SEC14L1: variants seen among roughly 807,000 people sequenced by gnomAD.
SEC14L1 encodes the protein SEC14-like protein 1.
A neutral mutation model predicts 85.3 loss-of-function variants in SEC14L1; 48 were observed. The ratio of observed to expected loss-of-function variants is 0.56; its 90% CI spans 0.45 to 0.72. SEC14L1 has a LOEUF of 0.72. Ranked by LOEUF, SEC14L1 falls within the 30% of genes least tolerant of loss-of-function variation. The pLI, the probability that SEC14L1 is intolerant of heterozygous loss-of-function variation, is 0.00. For missense variants in SEC14L1, 682 were observed against 921.4 expected, an observed-to-expected ratio of 0.74 and a Z score of 3.36; for synonymous variants, 391 against 355.5, an observed-to-expected ratio of 1.10 and a Z score of -1.12.
chr17:77,140,927 C>T (rs1251803101), upstream of SEC14L1: 2 of 150,610 alleles, frequency 1.3e-5, no homozygotes, highest in Admixed American at 6.6e-5. Context: ...CACCCCGTCA[C>T]CCGTAACAAC....
At chr17:77,122,830 C>A (rs1972334886) in intron 3 of SEC14L1, among the ~76,000 whole-genome samples, 2 of 152,228 alleles carry the variant, frequency 1.3e-5, no homozygotes. Context: ...TTCTGCCTCT[C>A]CTCTCTGCAG....
chr17:77,152,397 G>C (rs1055662206), intron 3 of SEC14L1, among the ~76,000 whole-genome samples: 3 of 152,088 alleles, frequency 2.0e-5, no homozygotes, highest in Non-Finnish European at 2.9e-5. Flanking sequence ...TCAGCCGGGC[G>C]TGGTGGCAGG....
Position 77,214,592 on chromosome 17 carries a change from G to A in SEC14L1, c.*569G>A. ...GTTGCCTGCGGAGTACCTTGTCCCA[G>A]GGCCAGACACACCCACACCACCCAC... On this transcript the variant is annotated 3_prime_UTR_variant, in exon 17 of 17. Coordinates refer to ENST00000436233, the MANE Select transcript of SEC14L1 (RefSeq NM_001143998.2). The A allele has an allele frequency of 9.1e-6, 9 of 987,664 alleles. No individual in the cohort carries two copies. The highest frequency in any genetic ancestry group is 1.1e-5 in the Non-Finnish European group (9 of 831,476). 61.2% of individuals were successfully genotyped at this position (987,664 alleles called of 1,614,324 possible). A position where few individuals can be genotyped will look rare whatever the true frequency, so the allele number is the denominator to read the frequency against.
intron 8 of SEC14L1, among the ~76,000 whole-genome samples, chr17:77,196,868 A>G (rs563030387): frequency 1.3e-4 from 20 of 152,334 alleles, no homozygotes; most frequent in South Asian, 8.3e-4. Flanking sequence ...AATACCAGTC[A>G]TCAAGAAAAC....
chr17:77,204,325 C>G (rs889119631), intron 10 of SEC14L1, among the ~76,000 whole-genome samples: 2 of 152,040 alleles, frequency 1.3e-5, no homozygotes, highest in Non-Finnish European at 2.9e-5. Context: ...TCGAGTGATT[C>G]TCCTGCCTCA....
intron 3 of SEC14L1, among the ~76,000 whole-genome samples, chr17:77,181,645 G>A (rs776538188): frequency 1.3e-5 from 2 of 152,092 alleles, no homozygotes; most frequent in Admixed American, 1.3e-4. Flanking sequence ...TCCTAACCTC[G>A]GGTGAGGTAG....
intron 3 of SEC14L1, among the ~76,000 whole-genome samples, chr17:77,152,152 A>G (rs1487313790): frequency 3.9e-5 from 6 of 151,962 alleles, no homozygotes; most frequent in Non-Finnish European, 7.4e-5. Context: ...TTCTTTTTTT[A>G]AATTTGAAAT....
chr17:77,209,276 T>C, intron 13 of SEC14L1, 66 bp from the exon 14 acceptor site: 2 of 1,591,038 alleles, frequency 1.3e-6, no homozygotes, highest in Non-Finnish European at 1.7e-6. Context: ...TGCTGGCCGG[T>C]GTGTCTGGGT....
intron 3 of SEC14L1, among the ~76,000 whole-genome samples, chr17:77,187,800 A>G (rs1975337461): frequency 6.7e-6 from 1 of 148,300 alleles, no homozygotes; most frequent in Non-Finnish European, 1.5e-5. Context: ...GCTGGAGTGC[A>G]GTGGTGCAAT....
At position 77,190,225 on chromosome 17, in the gene SEC14L1, G is replaced by A. The variant is rs182500912; in HGVS notation, c.64-578G>A. Among the ~76,000 whole-genome samples, 6 of 152,244 alleles carry A rather than the reference G, an allele frequency of 3.9e-5. No homozygotes were observed. The South Asian group carries it at 6.2e-4, about 16-fold the overall frequency. On this transcript the variant is annotated intron_variant, in intron 3 of 16. Coordinates refer to ENST00000436233, the MANE Select transcript of SEC14L1 (RefSeq NM_001143998.2). ...CCAGTAACATGTTGAAAAGACTGGC[G>A]TGCTTTCTTTCCCTCATTGCTTTTA...
At chr17:77,142,575 AAAAG>A (rs1973107100) in intron 1 of SEC14L1, 67 bp from the exon 2 acceptor site, 1 of 152,084 alleles carries the variant, frequency 6.6e-6, no homozygotes, top group Non-Finnish European at 1.5e-5. Flanking sequence ...AAAAAAAAAA[AAAAG>A]GAATCTTGGA....
chr17:77,164,778 C>G lies in SEC14L1; in HGVS notation c.63+21119C>G, dbSNP rs7208559. Among the ~76,000 whole-genome samples, 336 of 152,228 alleles carry G rather than the reference C, an allele frequency of 2.2e-3. 1 individual carries two copies. Among genetic ancestry groups the G allele is most frequent in the African/African-American group, 7.3e-3 (303 of 41,516 alleles). On this transcript the variant is annotated intron_variant, in intron 3 of 16. Coordinates refer to ENST00000436233, the MANE Select transcript of SEC14L1 (RefSeq NM_001143998.2). Reference sequence around the variant, plus strand: ...GCTAGGAAAGCTGAGCTTAAAATAGCTGAAGGCCATAGATACTGGTACAGT... The same window carrying G: ...GCTAGGAAAGCTGAGCTTAAAATAGGTGAAGGCCATAGATACTGGTACAGT...
chr17:77,212,119 T>C lies in SEC14L1; in HGVS notation c.1781T>C (p.Leu594Pro). ...ITSPGGNNVQ[L>P]IDKVWQLGRD... ...TCTCCGGGTGGGAACAATGTGCAGCTCATAGACAAAGTCTGGCAGCTGGGC... is the reference window on the plus strand; with the variant it reads ...TCTCCGGGTGGGAACAATGTGCAGCCCATAGACAAAGTCTGGCAGCTGGGC... The change falls in exon 15 of 17, where the codon CTC (leucine) becomes CCC (proline). Residue 594 changes from leucine (L) to proline (P), a missense_variant. Transcript: ENST00000436233. The C allele has an allele frequency of 1.2e-6, 2 of 1,614,126 alleles. No individual in the cohort carries two copies. The highest frequency in any genetic ancestry group is 1.7e-6 in the Non-Finnish European group (2 of 1,180,034).
At chr17:77,156,176 C>T (rs528418838) in intron 3 of SEC14L1, among the ~76,000 whole-genome samples, 17 of 152,240 alleles carry the variant, frequency 1.1e-4, no homozygotes, top group Admixed American at 3.3e-4. Context: ...CACTGGCAGC[C>T]GCTGTAGGGT....
chr17:77,093,383 G>T, intron 3 of SEC14L1: 1 of 152,168 alleles, frequency 6.6e-6, no homozygotes, highest in East Asian at 1.9e-4. Flanking sequence ...CATATTTTTT[G>T]AATGGTGACT....
At chr17:77,175,318 G>A (rs1015380498) in intron 3 of SEC14L1, among the ~76,000 whole-genome samples, 2 of 152,300 alleles carry the variant, frequency 1.3e-5, no homozygotes, top group South Asian at 2.1e-4. Flanking sequence ...CCAAAGGTTG[G>A]GCTCAGAACA....
chr17:77,108,324 A>G (rs927872056), intron 3 of SEC14L1, among the ~76,000 whole-genome samples: 8 of 152,344 alleles, frequency 5.3e-5, no homozygotes, highest in Admixed American at 2.6e-4. Context: ...CCCTTGCTAC[A>G]GACCTGGGTC....
chr17:77,214,680 A>T lies in SEC14L1; in HGVS notation c.*657A>T. The T allele has an allele frequency of 1.0e-6, 1 of 985,558 alleles. No homozygotes were observed. The highest frequency in any genetic ancestry group is 1.2e-6 in the Non-Finnish European group (1 of 830,008). 61.1% of individuals were successfully genotyped at this position (985,558 alleles called of 1,614,324 possible). A position where few individuals can be genotyped will look rare whatever the true frequency, so the allele number is the denominator to read the frequency against. ...CAGGGACTCCTGGTGACTCCAGGAA[A>T]ATGCTGCCATCGTTAAACATTACTT... On this transcript the variant is annotated 3_prime_UTR_variant, in exon 17 of 17. Transcript: ENST00000436233.
chr17:77,121,461 C>T (rs1292411739), intron 3 of SEC14L1, among the ~76,000 whole-genome samples: 4 of 152,072 alleles, frequency 2.6e-5, no homozygotes, highest in East Asian at 1.9e-4. Context: ...CAGGTTCAAG[C>T]GATTCTCCTG....
Sources: gnomAD v4.1 joint callset for allele counts (sites outside exome capture counted in the v4.1 genomes callset) on GRCh38, gnomAD v4.1.1 for gene constraint, MANE v1.5 for transcripts, NCBI Gene and HGNC (gene_info 2026-07-23, HGNC 2026-07-21) for gene names.